MAP3K15: variants seen among roughly 807,000 people sequenced by gnomAD.
MAP3K15 encodes mitogen-activated protein kinase kinase kinase 15, also known as MAPK/ERK kinase kinase 15.
Under a neutral mutation model 99.5 loss-of-function variants are expected in MAP3K15, and 124 were observed. The observed-to-expected ratio is 1.25, with a 90% CI of 1.08 to 1.45. The LOEUF is 1.45. Ranked by LOEUF, MAP3K15 falls within the 40% of genes most tolerant of loss-of-function variation. The pLI, the probability that MAP3K15 is intolerant of heterozygous loss-of-function variation, is 0.00. For missense variants in MAP3K15, 1,242 were observed against 1,079.7 expected, an observed-to-expected ratio of 1.15 and a Z score of -2.11; for synonymous variants, 494 against 439.6, an observed-to-expected ratio of 1.12 and a Z score of -1.55.
intron 1 of MAP3K15, among the ~76,000 whole-genome samples, chrX:19,510,704 CAGG>C (rs1423048622): frequency 9.0e-6 from 1 of 111,689 alleles, no homozygotes; most frequent in East Asian, 2.8e-4. Flanking sequence ...GGCAATCAGG[CAGG>C]AGAAGGAAAT....
intron 13 of MAP3K15, among the ~76,000 whole-genome samples, chrX:19,406,446 G>A (rs181772553): frequency 2.2e-4 from 25 of 111,970 alleles, no homozygotes; most frequent in South Asian, 3.7e-4. Flanking sequence ...AAAAAATTAC[G>A]CTAAGTGAAA....
In MAP3K15 at chrX:19,390,303, CTTTTTTTTTTT is replaced by C. The variant is rs869140702; in HGVS notation, c.2431+1688_2431+1698del. ...ATATTATTTTAAGAGCTAATTTTTT[CTTTTTTTTTTT>C]TTTTTTTTTTTGAGACAGAGTCTCA... On this transcript the variant is annotated intron_variant, in intron 18 of 28. Transcript: ENST00000338883. 5.8e-5 allele frequency among the ~76,000 whole-genome samples: 4 copies of C among 69,353 alleles called. No homozygotes were observed. In the East Asian group the frequency reaches 1.2e-3, roughly 22 times the overall value. 60.2% of individuals were successfully genotyped at this position (69,353 alleles called of 115,157 possible). A position where few individuals can be genotyped will look rare whatever the true frequency, so the allele number is the denominator to read the frequency against.
intron 18 of MAP3K15, among the ~76,000 whole-genome samples, chrX:19,387,636 C>T (rs2063501532): frequency 9.0e-6 from 1 of 111,620 alleles, no homozygotes; most frequent in South Asian, 3.8e-4. Flanking sequence ...ATCCTCCCAC[C>T]TCAGCCTCCC....
At chrX:19,458,690 T>C in intron 5 of MAP3K15, among the ~76,000 whole-genome samples, 1 of 111,169 alleles carries the variant, frequency 9.0e-6, no homozygotes, top group South Asian at 3.8e-4. Context: ...AATAAATAAA[T>C]AAATAAATAA....
chrX:19,467,298 C>G (rs2064175202), intron 3 of MAP3K15, among the ~76,000 whole-genome samples: 1 of 111,157 alleles, frequency 9.0e-6, no homozygotes, highest in African/African-American at 3.3e-5. Context: ...AAAGGGCTCC[C>G]TCTTGTCCCT....
rs111571832 is a variant in MAP3K15 at position 19,487,143 on chromosome X, G to A, written c.502-638C>T. Among the ~76,000 whole-genome samples, 433 of 105,243 alleles carry A rather than the reference G, an allele frequency of 4.1e-3. 5 individuals are homozygous for A. Among genetic ancestry groups the A allele is most frequent in the African/African-American group, 0.014 (416 of 29,081 alleles). 91.4% of individuals were successfully genotyped at this position (105,243 alleles called of 115,157 possible). On this transcript the variant is annotated intron_variant, in intron 2 of 28. Transcript: ENST00000338883. ...ATTTCTGGGGGTGGGGGGGGGGAAGGGCGGAGAAAACACCATAACTAAACA... is the reference window on the plus strand; with the variant it reads ...ATTTCTGGGGGTGGGGGGGGGGAAGAGCGGAGAAAACACCATAACTAAACA...
intron 15 of MAP3K15, among the ~76,000 whole-genome samples, chrX:19,395,842 T>G (rs1320486809): frequency 8.9e-6 from 1 of 112,234 alleles, no homozygotes; most frequent in African/African-American, 3.2e-5. Flanking sequence ...AAAAAATTTT[T>G]TTTTGGCCTC....
chrX:19,515,001 C>G lies in MAP3K15; in HGVS notation c.261G>C (p.Leu87=), dbSNP rs1012211687. The G allele has an allele frequency of 9.0e-7, 1 of 1,105,619 alleles. No individual in the cohort carries two copies. The highest frequency in any genetic ancestry group is 2.0e-5 in the African/African-American group (1 of 51,120). The allele number at this position is 1,105,619 out of a possible 1,213,427, so 91.1% of individuals were successfully genotyped here. Residue 87 remains leucine, a synonymous_variant, in exon 1 of 29, where the codon CTG becomes CTC. Coordinates refer to ENST00000338883, the MANE Select transcript of MAP3K15 (RefSeq NM_001001671.4). ...CGCCCTCGGCCTCGCAGGCCCGCAG[C>G]AGGCACTGCCGCGCCCCAGCCTCCG... The part of the protein sequence containing the change: ...GGPEAGARQC[L]LRACEAEGAH...
chrX:19,411,776 C>T (rs1049198390), intron 11 of MAP3K15, among the ~76,000 whole-genome samples: 1 of 111,125 alleles, frequency 9.0e-6, no homozygotes, highest in Non-Finnish European at 1.9e-5. Flanking sequence ...CTGGCACGTT[C>T]GGGGACCAAC....
chrX:19,428,740 G>A (rs1290116791), intron 7 of MAP3K15, among the ~76,000 whole-genome samples: 7 of 111,870 alleles, frequency 6.3e-5, no homozygotes, highest in Non-Finnish European at 1.3e-4. Context: ...GCCGAGGTAG[G>A]TGGATTGCCT....
intron 3 of MAP3K15, among the ~76,000 whole-genome samples, chrX:19,473,480 T>C (rs893740016): frequency 2.7e-5 from 3 of 112,548 alleles, no homozygotes; most frequent in Non-Finnish European, 3.8e-5. Flanking sequence ...CATTTATAAG[T>C]GGAAACATCT....
chrX:19,490,969 A>G (rs2064365096), intron 1 of MAP3K15, among the ~76,000 whole-genome samples: 1 of 111,289 alleles, frequency 9.0e-6, no homozygotes, highest in Admixed American at 9.6e-5. Flanking sequence ...AGATATAGGA[A>G]TGTAGTGTCC....
chrX:19,407,123 C>A, intron 13 of MAP3K15, 65 bp downstream of exon 13: 1 of 636,651 alleles, frequency 1.6e-6, no homozygotes, highest in Non-Finnish European at 2.4e-6. Context: ...TCTTTCAGAA[C>A]AAAGGCCCTT....
chrX:19,426,074 A>T (rs942776100), intron 8 of MAP3K15, among the ~76,000 whole-genome samples, 157 bp downstream of exon 8: 4 of 111,755 alleles, frequency 3.6e-5, no homozygotes, highest in African/African-American at 1.3e-4. Context: ...GTGAGCCAAG[A>T]TCACACCACT....
rs376808450 is a variant in MAP3K15, at chrX:19,360,382, G to A, written c.*367C>T. ...GGTGTACTTTTTTTGAGACAGGGTC[G>A]GGCTCTGTTGCCCAGGCTGGAGTGC... is the stretch of plus-strand genomic sequence containing the variant. On this transcript the variant is annotated 3_prime_UTR_variant, in exon 29 of 29. Coordinates refer to ENST00000338883, the MANE Select transcript of MAP3K15 (RefSeq NM_001001671.4). 3.8e-4 allele frequency: 61 copies of A among 159,227 alleles called. No individual in the cohort carries two copies. Among genetic ancestry groups the A allele is most frequent in the East Asian group, 8.7e-4 (4 of 4,578 alleles). 13.1% of individuals were successfully genotyped at this position (159,227 alleles called of 1,213,427 possible). A position where few individuals can be genotyped will look rare whatever the true frequency, so the allele number is the denominator to read the frequency against.
At chrX:19,414,077 C>G (rs1331882665) in intron 10 of MAP3K15, among the ~76,000 whole-genome samples, 3 of 104,630 alleles carry the variant, frequency 2.9e-5, no homozygotes, top group African/African-American at 1.1e-4. Flanking sequence ...AGGAGAATCA[C>G]TTGAACCCAG....
At chrX:19,402,857 G>A (rs1053465168) in intron 13 of MAP3K15, among the ~76,000 whole-genome samples, 5 of 111,110 alleles carry the variant, frequency 4.5e-5, no homozygotes, top group Non-Finnish European at 9.4e-5. Context: ...TAGAGACGAG[G>A]GTCTCCCTGT....
At chrX:19,438,884 A>T (rs111469623) in intron 6 of MAP3K15, among the ~76,000 whole-genome samples, 228 of 112,172 alleles carry the variant, frequency 2.0e-3, no homozygotes, top group Non-Finnish European at 3.6e-3. Flanking sequence ...TAGTGACAAT[A>T]AAAACCCCAA....
At chrX:19,370,883 C>A (rs188435728) in intron 24 of MAP3K15, 76 bp downstream of exon 24, 3 of 775,035 alleles carry the variant, frequency 3.9e-6, no homozygotes, top group East Asian at 3.3e-5. Context: ...AGAAAAGCAA[C>A]AACTGTTGAA....
Sources: allele counts gnomAD v4.1 joint callset (sites outside exome capture counted in the v4.1 genomes callset), GRCh38; gene constraint gnomAD v4.1.1; transcripts MANE v1.5; gene names NCBI Gene and HGNC (gene_info 2026-07-23, HGNC 2026-07-21).